Variants in IL22RA2 observed in about 807,000 individuals in gnomAD.
IL22RA2 encodes the protein interleukin-22 receptor subunit alpha-2.
A neutral mutation model predicts 30.7 loss-of-function variants in IL22RA2; 39 were observed. The observed-to-expected ratio is 1.27, with a 90% confidence interval of 0.98 to 1.66. The LOEUF (loss-of-function observed/expected upper bound fraction) is 1.66, where lower values mean the gene tolerates loss of function less well. Among genes scored for constraint, IL22RA2 ranks in the 40% most tolerant of loss-of-function variants. The pLI, the probability that IL22RA2 is intolerant of heterozygous loss-of-function variation, is 0.00. For synonymous variants in IL22RA2, 103 were observed against 105.0 expected (o/e 0.98, Z 0.11); for missense variants, 315 against 312.7 (o/e 1.01, Z -0.05).
rs539846180 is a variant in IL22RA2, at chr6:137,152,916, G to A, written c.472+2025C>T. Among the ~76,000 whole-genome samples, 7 of 152,194 alleles carry A rather than the reference G, an allele frequency of 4.6e-5. No individual in the cohort carries two copies. The East Asian group carries it at 1.2e-3, about 25-fold the overall frequency. The stretch of plus-strand genomic sequence containing the variant: ...CAACTTTCCAGTAAGGAAGATCAAT[G>A]TTGAACCCCTAGTATAGTGCCATAT... On this transcript the variant is annotated intron_variant, in intron 5 of 6. Coordinates refer to ENST00000296980, the MANE Select transcript of IL22RA2 (RefSeq NM_052962.3).
At chr6:137,157,726 C>G (rs1317008327) in intron 3 of IL22RA2, among the ~76,000 whole-genome samples, 2 of 144,690 alleles carry the variant, frequency 1.4e-5, no homozygotes, top group African/African-American at 5.0e-5. Flanking sequence ...ATTTTCAAGT[C>G]AAGAGTGTTT....
At chr6:137,164,248 C>T (rs922567784) in intron 1 of IL22RA2, among the ~76,000 whole-genome samples, 6 of 152,118 alleles carry the variant, frequency 3.9e-5, no homozygotes, top group Non-Finnish European at 5.9e-5. Flanking sequence ...GTAGGGTGGC[C>T]AGCCAAGGGG....
intron 5 of IL22RA2, among the ~76,000 whole-genome samples, chr6:137,151,613 C>G (rs1181475730): frequency 6.6e-6 from 1 of 152,166 alleles, no homozygotes; most frequent in Non-Finnish European, 1.5e-5. Flanking sequence ...AGTAAAAAGA[C>G]AACTCACAGA....
At chr6:137,165,763 T>C (rs1287949688) in intron 1 of IL22RA2, among the ~76,000 whole-genome samples, 1 of 152,186 alleles carries the variant, frequency 6.6e-6, no homozygotes, top group African/African-American at 2.4e-5. Context: ...GAAGGGCACA[T>C]GACTCTAAAT....
chr6:137,155,176 A>T (rs551315996), intron 4 of IL22RA2, 57 bp from the exon 5 acceptor site: 3 of 1,296,248 alleles, frequency 2.3e-6, no homozygotes, highest in Admixed American at 2.5e-5. Flanking sequence ...AGGAGTCTTC[A>T]GTATTTTCAG....
chr6:137,158,553 G>C, intron 2 of IL22RA2, 71 bp from the exon 3 acceptor site: 1 of 1,505,962 alleles, frequency 6.6e-7, no homozygotes, highest in Non-Finnish European at 9.2e-7. Context: ...GTAGTTTTCA[G>C]TGGAATACCT....
intron 1 of IL22RA2, among the ~76,000 whole-genome samples, chr6:137,164,082 C>T (rs968231275): frequency 6.6e-6 from 1 of 152,080 alleles, no homozygotes; most frequent in African/African-American, 2.4e-5. Flanking sequence ...AGTGAAAGTG[C>T]ATCACAAGGG....
chr6:137,151,336 G>T (rs994458550), intron 5 of IL22RA2, among the ~76,000 whole-genome samples: 4 of 152,140 alleles, frequency 2.6e-5, no homozygotes. Flanking sequence ...AACAAATGGT[G>T]CTGGGACAGC....
intron 5 of IL22RA2, among the ~76,000 whole-genome samples, chr6:137,148,854 C>T (rs777255459): frequency 1.1e-4 from 16 of 152,142 alleles, no homozygotes; most frequent in Admixed American, 7.9e-4. Flanking sequence ...GAGTCAGCTG[C>T]GGACATCACA....
At chr6:137,171,241 C>T (rs1032248191) in intron 1 of IL22RA2, among the ~76,000 whole-genome samples, 24 of 152,220 alleles carry the variant, frequency 1.6e-4, no homozygotes, top group African/African-American at 5.5e-4. Flanking sequence ...CCCCTGCCTT[C>T]CTTAAGCTTG....
At chr6:137,170,563 C>T (rs889780165) in intron 1 of IL22RA2, among the ~76,000 whole-genome samples, 4 of 152,152 alleles carry the variant, frequency 2.6e-5, no homozygotes, top group Admixed American at 6.5e-5. Context: ...TTGTTTCTTG[C>T]TTCTGTAACT....
chr6:137,159,374 G>A (rs184758932), intron 2 of IL22RA2, among the ~76,000 whole-genome samples: 19 of 152,130 alleles, frequency 1.2e-4, no homozygotes, highest in African/African-American at 3.4e-4. Flanking sequence ...TGGCTGGAGT[G>A]CAGTGGCGTG....
intron 1 of IL22RA2, among the ~76,000 whole-genome samples, chr6:137,162,302 C>T (rs1177631510): frequency 6.6e-6 from 1 of 152,152 alleles, no homozygotes; most frequent in East Asian, 1.9e-4. Context: ...GGTAGGTCCC[C>T]AATTAATCTC....
chr6:137,146,100 C>T lies in IL22RA2; in HGVS notation c.643-327G>A, dbSNP rs532826263. Among the ~76,000 whole-genome samples, 11 of 152,308 alleles carry T rather than the reference C, an allele frequency of 7.2e-5. No homozygotes were observed. In the South Asian group the frequency reaches 1.7e-3, roughly 23 times the overall value. On this transcript the variant is annotated intron_variant, in intron 6 of 6. Transcript: ENST00000296980. ...AGCCTGGAGTGCAGTGTCACCATCTCGGCTCACTGCAACCTCTGCCTCTCA... is the reference window on the plus strand; with the variant it reads ...AGCCTGGAGTGCAGTGTCACCATCTTGGCTCACTGCAACCTCTGCCTCTCA...
rs970081700 is a variant in IL22RA2 at position 137,144,237 on chromosome 6, G to A, written c.*1387C>T. The A allele has an allele frequency of 6.6e-6, 1 of 152,078 alleles. No individual in the cohort carries two copies. The highest frequency in any genetic ancestry group is 2.4e-5 in the African/African-American group (1 of 41,398). The allele number at this position is 152,078 out of a possible 1,614,324, so 9.4% of individuals were successfully genotyped here. On this transcript the variant is annotated 3_prime_UTR_variant, in exon 7 of 7. Coordinates refer to ENST00000296980, the MANE Select transcript of IL22RA2 (RefSeq NM_052962.3). ...TCTCTGCGTCTATGCTCAAATCAAT[G>A]TTTTCTGAGCATACAGGGAAGCAAG...
chr6:137,145,684 A>G lies in IL22RA2; in HGVS notation c.732T>C (p.Tyr244=). Residue 244 remains tyrosine (Y), a synonymous_variant, in exon 7 of 7, where the codon TAT becomes TAC. Transcript: ENST00000296980. ...GACTTCTTCTGTCTAACATGGGCTG[A>G]TATATTTCAGCCACTACACAGTAGC... The part of the protein sequence containing the change: ...HSSYCVVAEI[Y]QPMLDRRSQR... 1.2e-6 allele frequency: 2 copies of G among 1,613,608 alleles called. No individual in the cohort carries two copies. The highest frequency in any genetic ancestry group is 1.7e-6 in the Non-Finnish European group (2 of 1,179,732).
At chr6:137,146,948 A>G (rs1417131300) in intron 6 of IL22RA2, among the ~76,000 whole-genome samples, 1 of 152,032 alleles carries the variant, frequency 6.6e-6, no homozygotes, top group Non-Finnish European at 1.5e-5. Flanking sequence ...GTGAGCTGTG[A>G]TTGCACTGCT....
At position 137,161,761 on chromosome 6, in the gene IL22RA2, T is replaced by C; in HGVS notation, c.-12A>G. On this transcript the variant is annotated 5_prime_UTR_variant, in exon 2 of 7. Coordinates refer to ENST00000296980, the MANE Select transcript of IL22RA2 (RefSeq NM_052962.3). ...TGTTTAGGCATCATGGTTGCAAGTGTGACTGTTCAGGCAACCAGTGTTCCT... is the reference window on the plus strand; with the variant it reads ...TGTTTAGGCATCATGGTTGCAAGTGCGACTGTTCAGGCAACCAGTGTTCCT... The C allele has an allele frequency of 6.2e-7, 1 of 1,611,822 alleles. No individual in the cohort carries two copies. The highest frequency in any genetic ancestry group is 8.5e-7 in the Non-Finnish European group (1 of 1,178,376).
chr6:137,163,978 A>G (rs1304557946), intron 1 of IL22RA2, among the ~76,000 whole-genome samples: 1 of 152,138 alleles, frequency 6.6e-6, no homozygotes, highest in Non-Finnish European at 1.5e-5. Flanking sequence ...AGCTGCAGCT[A>G]GCTGTGACAG....
Sources: allele counts gnomAD v4.1 joint callset (sites outside exome capture counted in the v4.1 genomes callset), GRCh38; gene constraint gnomAD v4.1.1; transcripts MANE v1.5; gene names NCBI Gene and HGNC (gene_info 2026-07-23, HGNC 2026-07-21).